NLK: variants seen among roughly 807,000 people sequenced by gnomAD.
NLK encodes the protein serine/threonine-protein kinase NLK.
A neutral mutation model predicts 59.0 loss-of-function variants in NLK; 11 were observed. The ratio of observed to expected loss-of-function variants is 0.19; its 90% CI spans 0.12 to 0.31. The LOEUF (loss-of-function observed/expected upper bound fraction) is 0.31. NLK is among the 10% of genes least tolerant of loss of function. NLK has a pLI of 1.00. For synonymous variants in NLK, 235 were observed against 235.9 expected, an observed-to-expected ratio of 1.00 and a Z score of 0.03; for missense variants, 410 against 661.1, an observed-to-expected ratio of 0.62 and a Z score of 4.16.
At chr17:28,090,651 G>A (rs1904459807) in intron 1 of NLK, among the ~76,000 whole-genome samples, 2 of 152,052 alleles carry the variant, frequency 1.3e-5, no homozygotes, top group Admixed American at 1.3e-4. Flanking sequence ...TTGAGGCCAG[G>A]AATTTGAGAT....
intron 8 of NLK, among the ~76,000 whole-genome samples, chr17:28,189,316 A>AT (rs1909231197): frequency 6.6e-6 from 1 of 152,126 alleles, no homozygotes; most frequent in Non-Finnish European, 1.5e-5. Context: ...TATTTACTGT[A>AT]TTTTTTGCCT....
chr17:28,097,918 A>G (rs539291940), intron 1 of NLK, among the ~76,000 whole-genome samples: 4 of 152,106 alleles, frequency 2.6e-5, no homozygotes, highest in Middle Eastern at 3.4e-3. Flanking sequence ...GTTCCTTTTC[A>G]TTTTTTTCTT....
At chr17:28,177,452 T>C (rs1908728421) in intron 7 of NLK, among the ~76,000 whole-genome samples, 1 of 152,218 alleles carries the variant, frequency 6.6e-6, no homozygotes, top group Admixed American at 6.5e-5. Context: ...AGGGAACTCT[T>C]AAAGGCTCAT....
intron 3 of NLK, among the ~76,000 whole-genome samples, chr17:28,136,551 G>T (rs1272577607): frequency 3.9e-5 from 6 of 152,124 alleles, no homozygotes; most frequent in Admixed American, 3.9e-4. Flanking sequence ...TATATGTTCT[G>T]CCTTCACTGC....
chr17:28,198,064 G>A (rs2142078947), downstream of NLK, among the ~76,000 whole-genome samples: 1 of 152,322 alleles, frequency 6.6e-6, no homozygotes, highest in Admixed American at 6.5e-5. Context: ...ATAAATTACA[G>A]CAGCAATCTT....
chr17:28,164,643 A>T (rs898484794), intron 5 of NLK, among the ~76,000 whole-genome samples: 1 of 152,168 alleles, frequency 6.6e-6, no homozygotes. Flanking sequence ...ACAGATGTGT[A>T]TTGGCAGAAC....
intron 1 of NLK, among the ~76,000 whole-genome samples, chr17:28,089,058 C>T (rs1441555592): frequency 6.6e-6 from 1 of 152,116 alleles, no homozygotes; most frequent in Non-Finnish European, 1.5e-5. Flanking sequence ...ACTCAGAATA[C>T]CAGCACCAAC....
chr17:28,135,465 C>T (rs1906704557), intron 3 of NLK, among the ~76,000 whole-genome samples: 2 of 152,240 alleles, frequency 1.3e-5, no homozygotes, highest in Admixed American at 6.5e-5. Context: ...AGGTATTCAC[C>T]GTATATCATA....
At chr17:28,044,783 T>C (rs1206264658) in intron 1 of NLK, among the ~76,000 whole-genome samples, 1 of 152,238 alleles carries the variant, frequency 6.6e-6, no homozygotes, top group Non-Finnish European at 1.5e-5. Flanking sequence ...TTCCTTGGTT[T>C]AAATTTTGTC....
intron 2 of NLK, among the ~76,000 whole-genome samples, chr17:28,123,189 G>A (rs926154694): frequency 2.0e-5 from 3 of 152,172 alleles, no homozygotes; most frequent in African/African-American, 7.2e-5. Context: ...AGGAAACGTT[G>A]AACCTATTGA....
intron 1 of NLK, among the ~76,000 whole-genome samples, chr17:28,061,438 G>C (rs1331550719): frequency 2.0e-5 from 3 of 152,154 alleles, no homozygotes; most frequent in African/African-American, 7.2e-5. Flanking sequence ...TGTCACTTGA[G>C]TTTCTAACGT....
chr17:28,088,300 T>C (rs1042671622), intron 1 of NLK, among the ~76,000 whole-genome samples: 6 of 152,226 alleles, frequency 3.9e-5, no homozygotes, highest in African/African-American at 1.2e-4. Context: ...TTTCATATTA[T>C]AGACATTGAT....
chr17:28,061,804 CATATACATATATAAT>C (rs1238241568), intron 1 of NLK, among the ~76,000 whole-genome samples: 2 of 143,250 alleles, frequency 1.4e-5, no homozygotes, highest in African/African-American at 5.1e-5. Flanking sequence ...TACATATATA[CATATACATATATAAT>C]ATATACATAT....
At chr17:28,126,759 G>A (rs1454917524) in intron 2 of NLK, among the ~76,000 whole-genome samples, 2 of 152,088 alleles carry the variant, frequency 1.3e-5, no homozygotes, top group African/African-American at 4.8e-5. Context: ...AGTAACTTGG[G>A]GAAACAGAAA....
At chr17:28,179,176 G>A (rs138778829) in intron 7 of NLK, among the ~76,000 whole-genome samples, 1 of 152,170 alleles carries the variant, frequency 6.6e-6, no homozygotes, top group East Asian at 1.9e-4. Context: ...TTTTAAAGGA[G>A]GAAATTTAAC....
At chr17:28,059,928 A>G (rs1188883811) in intron 1 of NLK, among the ~76,000 whole-genome samples, 1 of 150,244 alleles carries the variant, frequency 6.7e-6, no homozygotes, top group Non-Finnish European at 1.5e-5. Flanking sequence ...CATAAATCAT[A>G]ATAAAATAAC....
At position 28,074,298 on chromosome 17, in the gene NLK, A is replaced by ACCTGCACAT. The variant is rs1373942606; in HGVS notation, c.458+30977_458+30985dup. On this transcript the variant is annotated intron_variant, in intron 1 of 10. Transcript: ENST00000407008. ...TGACACACATTTGCCTATGTAACAA[A>ACCTGCACAT]CCTGCACATCCTGCACATGTACCCC... is the stretch of plus-strand genomic sequence containing the variant. Among the ~76,000 whole-genome samples, 3 of 152,298 alleles carry ACCTGCACAT rather than the reference A, an allele frequency of 2.0e-5. No individual in the cohort carries two copies. The East Asian group carries it at 5.8e-4, about 29-fold the overall frequency.
the NLK span, among the ~76,000 whole-genome samples, chr17:28,203,158 CATACAT>C: frequency 7.0e-6 from 1 of 142,164 alleles, no homozygotes; most frequent in African/African-American, 2.7e-5. Flanking sequence ...AATGTATATA[CATACAT>C]ACACACACAC....
At chr17:28,059,813 A>G (rs1909567174) in intron 1 of NLK, among the ~76,000 whole-genome samples, 1 of 152,196 alleles carries the variant, frequency 6.6e-6, no homozygotes, top group South Asian at 2.1e-4. Flanking sequence ...TCAAACCACT[A>G]ATGTGAAGTC....
Sources: gnomAD v4.1 joint callset for allele counts (sites outside exome capture counted in the v4.1 genomes callset) on GRCh38, gnomAD v4.1.1 for gene constraint, MANE v1.5 for transcripts, NCBI Gene and HGNC (gene_info 2026-07-23, HGNC 2026-07-21) for gene names.